WASHC4: variants seen among roughly 807,000 people sequenced by gnomAD.
WASHC4 encodes the protein WASH complex subunit 4, also known as WASH complex subunit 7.
Under a neutral mutation model 166.6 loss-of-function variants are expected in WASHC4, and 86 were observed. The observed-to-expected ratio is 0.52, with a 90% CI of 0.43 to 0.62. The LOEUF (loss-of-function observed/expected upper bound fraction) is 0.62. Among genes scored for constraint, WASHC4 ranks in the 20% least tolerant of loss-of-function variants. The pLI is 0.00. For missense variants in WASHC4, 1,262 were observed against 1,382.4 expected (o/e 0.91, Z 1.38); for synonymous variants, 446 against 451.6 (o/e 0.99, Z 0.16).
Position 105,157,255 on chromosome 12 carries a change from G to T in WASHC4, c.2845G>T (p.Asp949Tyr). ...ATGTAGATTTGTTCCTGATCTTGAA[G>T]ATATTGTAAATTTTGAAGAACTAGT... ...NAIRFVPDLE[D>Y]IVNFEELVKE... The change falls in exon 28 of 33, where the codon GAT becomes TAT. Residue 949 changes from aspartate to tyrosine, a missense_variant. Transcript: ENST00000332180. The T allele has an allele frequency of 6.5e-7, 1 of 1,542,320 alleles. No individual in the cohort carries two copies. The highest frequency in any genetic ancestry group is 8.9e-7 in the Non-Finnish European group (1 of 1,117,638).
chr12:105,158,896 G>A (rs547987813), intron 28 of WASHC4, among the ~76,000 whole-genome samples: 3 of 152,266 alleles, frequency 2.0e-5, no homozygotes, highest in East Asian at 1.9e-4. Context: ...AAGGGTATAC[G>A]GGTGTTCATT....
At chr12:105,165,394 T>C (rs1159687139) in intron 32 of WASHC4, among the ~76,000 whole-genome samples, 3 of 152,214 alleles carry the variant, frequency 2.0e-5, no homozygotes, top group East Asian at 3.8e-4. Flanking sequence ...TCTCTCAGAT[T>C]TGAAATTTAG....
chr12:105,133,198 T>C (rs1220546483), intron 13 of WASHC4, among the ~76,000 whole-genome samples: 2 of 152,186 alleles, frequency 1.3e-5, no homozygotes, highest in Admixed American at 1.3e-4. Context: ...CTCACAGTGC[T>C]TCAGGTATAC....
At position 105,121,008 on chromosome 12, in the gene WASHC4, G is replaced by T. The variant is rs1196836; in HGVS notation, c.562-93G>T. 343,258 of 808,668 alleles carry T rather than the reference G, an allele frequency of 0.42. 75,224 individuals are homozygous for T. Among genetic ancestry groups the T allele is most frequent in the Middle Eastern group, 0.55 (2,453 of 4,442 alleles). 50.1% of individuals were successfully genotyped at this position (808,668 alleles called of 1,614,324 possible). A position where few individuals can be genotyped will look rare whatever the true frequency, so the allele number is the denominator to read the frequency against. ...TTTACCCACTACTTTTACTAATTCA[G>T]TAATCAGCCCAAATGATTTTACTTT... On this transcript the variant is annotated intron_variant, in intron 8 of 32. Coordinates refer to ENST00000332180, the MANE Select transcript of WASHC4 (RefSeq NM_015275.3).
At chr12:105,123,684 A>G (rs952208149) in intron 10 of WASHC4, among the ~76,000 whole-genome samples, 1 of 152,230 alleles carries the variant, frequency 6.6e-6, no homozygotes, top group Admixed American at 6.5e-5. Context: ...AAAAGCAGCA[A>G]GTGCTCATGT....
chr12:105,134,813 C>T (rs1882167305), intron 14 of WASHC4, among the ~76,000 whole-genome samples: 1 of 150,872 alleles, frequency 6.6e-6, no homozygotes, highest in Admixed American at 6.6e-5. Context: ...TTCTATATGT[C>T]ATTGTTGATA....
chr12:105,127,413 CAGGCAATCTCCAGGAG>C, intron 13 of WASHC4, 124 bp downstream of exon 13: 1 of 765,164 alleles, frequency 1.3e-6, no homozygotes, highest in Non-Finnish European at 2.2e-6. Context: ...AAGTAAGGGT[CAGGCAATCTCCAGGAG>C]ATTTGTTTTC....
rs993406779 is a variant in WASHC4, at chr12:105,162,927, T to C, written c.3157+82T>C. ...TTAGAAACATCTGCTTGAGAATAGG[T>C]CTATATGTTCTTTATAGATTTTTCT... On this transcript the variant is annotated intron_variant, in intron 30 of 32. Coordinates refer to ENST00000332180, the MANE Select transcript of WASHC4 (RefSeq NM_015275.3). 3.4e-5 allele frequency: 24 copies of C among 701,420 alleles called. No individual in the cohort carries two copies. In the Admixed American group the frequency reaches 5.8e-4, roughly 17 times the overall value. 43.4% of individuals were successfully genotyped at this position (701,420 alleles called of 1,614,324 possible).
At chr12:105,117,255 A>G (rs1256250826) in intron 6 of WASHC4, among the ~76,000 whole-genome samples, 1 of 152,122 alleles carries the variant, frequency 6.6e-6, no homozygotes, top group African/African-American at 2.4e-5. Context: ...GCTCCGTTTT[A>G]GTTAACATTT....
intron 2 of WASHC4, among the ~76,000 whole-genome samples, chr12:105,112,332 T>G (rs79831026): frequency 0.013 from 1,926 of 152,340 alleles, 21 homozygotes; most frequent in Non-Finnish European, 0.022. Flanking sequence ...TTTCTACTAT[T>G]TGGCTGCTAT....
chr12:105,117,359 A>G (rs1423313744), intron 6 of WASHC4, among the ~76,000 whole-genome samples: 1 of 152,060 alleles, frequency 6.6e-6, no homozygotes, highest in Non-Finnish European at 1.5e-5. Context: ...TTGCTTTTTT[A>G]ATGTAGTCTG....
chr12:105,166,975 GTTAAAACT>G lies in WASHC4; in HGVS notation c.*47_*54del. On this transcript the variant is annotated 3_prime_UTR_variant, in exon 33 of 33. Coordinates refer to ENST00000332180, the MANE Select transcript of WASHC4 (RefSeq NM_015275.3). ...CACATATGATGAAATCATCAGAATT[GTTAAAACT>G]TTTGCCAGTGGAATGGATAAACTAT... The G allele has an allele frequency of 1.4e-6, 2 of 1,391,744 alleles. No individual in the cohort carries two copies. Among genetic ancestry groups the G allele is most frequent in the Non-Finnish European group, 2.0e-6 (2 of 985,838 alleles). 86.2% of individuals were successfully genotyped at this position (1,391,744 alleles called of 1,614,324 possible). A position where few individuals can be genotyped will look rare whatever the true frequency, so the allele number is the denominator to read the frequency against.
At chr12:105,145,580 A>T (rs1348438501) in intron 22 of WASHC4, among the ~76,000 whole-genome samples, 1 of 151,900 alleles carries the variant, frequency 6.6e-6, no homozygotes, top group Non-Finnish European at 1.5e-5. Context: ...TATATATCTG[A>T]TATTTATTGA....
chr12:105,126,824 T>G (rs1226722008), intron 12 of WASHC4, among the ~76,000 whole-genome samples: 1 of 152,020 alleles, frequency 6.6e-6, no homozygotes, highest in East Asian at 1.9e-4. Context: ...AGAATGAAAC[T>G]AAAAGACATG....
chr12:105,120,401 A>C (rs576993844), intron 7 of WASHC4, among the ~76,000 whole-genome samples, 154 bp from the exon 8 acceptor site: 2 of 152,234 alleles, frequency 1.3e-5, no homozygotes, highest in African/African-American at 4.8e-5. Flanking sequence ...TTCTTGGGAA[A>C]GTGGACTTGA....
intron 1 of WASHC4, among the ~76,000 whole-genome samples, chr12:105,109,296 A>C (rs915122807): frequency 9.2e-5 from 14 of 152,194 alleles, no homozygotes; most frequent in African/African-American, 3.4e-4. Context: ...GAATAGAGTT[A>C]TGTTAATTGA....
In WASHC4 at chr12:105,154,661, T is replaced by C. The variant is rs564606208; in HGVS notation, c.2759-2065T>C. Among the ~76,000 whole-genome samples, 9 of 152,350 alleles carry C rather than the reference T, an allele frequency of 5.9e-5. No homozygotes were observed. In the South Asian group the frequency reaches 1.2e-3, roughly 21 times the overall value. On this transcript the variant is annotated intron_variant, in intron 26 of 32. Coordinates refer to ENST00000332180, the MANE Select transcript of WASHC4 (RefSeq NM_015275.3). ...ACAGTAAACAAAGTCTCTGTCCTTATTGAGCTTAATTTACCAGATGAGAAG... is the reference window on the plus strand; with the variant it reads ...ACAGTAAACAAAGTCTCTGTCCTTACTGAGCTTAATTTACCAGATGAGAAG...
At chr12:105,140,506 C>A in intron 16 of WASHC4, 105 bp downstream of exon 16, 1 of 847,732 alleles carries the variant, frequency 1.2e-6, no homozygotes, top group Non-Finnish European at 2.0e-6. Flanking sequence ...TCCATTCCTT[C>A]AAACATAATA....
intron 1 of WASHC4, among the ~76,000 whole-genome samples, chr12:105,108,693 A>G (rs929359954): frequency 4.6e-5 from 7 of 152,116 alleles, no homozygotes; most frequent in East Asian, 1.9e-4. Flanking sequence ...TGGTCATAGT[A>G]ATCTGTGTAA....
Sources: gnomAD v4.1 joint callset for allele counts (sites outside exome capture counted in the v4.1 genomes callset) on GRCh38, gnomAD v4.1.1 for gene constraint, MANE v1.5 for transcripts, NCBI Gene and HGNC (gene_info 2026-07-23, HGNC 2026-07-21) for gene names.